Variants in ROBO2 observed in about 807,000 individuals in gnomAD.
The protein encoded by ROBO2 is roundabout guidance receptor 2.
ROBO2 carries 53 observed loss-of-function variants against 160.8 expected under a neutral mutation model. That is an observed-to-expected ratio of 0.33 (90% confidence interval 0.26 to 0.41). ROBO2 has a LOEUF of 0.41. Among genes scored for constraint, ROBO2 ranks in the 10% least tolerant of loss-of-function variants. The pLI is 1.00. For synonymous variants in ROBO2, 664 were observed against 611.7 expected, an observed-to-expected ratio of 1.09 and a Z score of -1.26; for missense variants, 1,577 against 1,722.4, an observed-to-expected ratio of 0.92 and a Z score of 1.49.
At chr3:77,039,099 C>A (rs189688605), upstream of ROBO2, among the ~76,000 whole-genome samples, 4 of 152,340 alleles carry the variant, frequency 2.6e-5, no homozygotes, top group East Asian at 7.7e-4. Context: ...GAGGGGCTGC[C>A]TCCCCTTCCT....
intron 2 of ROBO2, among the ~76,000 whole-genome samples, chr3:76,722,132 T>C (rs953617060): frequency 6.6e-5 from 10 of 152,118 alleles, no homozygotes; most frequent in African/African-American, 2.2e-4. Flanking sequence ...GGGAATGAAG[T>C]AGGAGGAAAC....
intron 2 of ROBO2, among the ~76,000 whole-genome samples, chr3:76,145,400 C>T (rs924339195): frequency 4.6e-5 from 7 of 152,012 alleles, no homozygotes; most frequent in Admixed American, 2.0e-4. Context: ...TGAACATCCA[C>T]TGACATATTT....
chr3:76,758,337 T>G (rs1211792522), intron 2 of ROBO2, among the ~76,000 whole-genome samples: 2 of 151,776 alleles, frequency 1.3e-5, no homozygotes, highest in Non-Finnish European at 2.9e-5. Flanking sequence ...TTGCCTGTAC[T>G]AAAACAGAGG....
intron 2 of ROBO2, among the ~76,000 whole-genome samples, chr3:77,181,253 G>T (rs2080754274): frequency 6.6e-6 from 1 of 152,038 alleles, no homozygotes; most frequent in Non-Finnish European, 1.5e-5. Context: ...CTCCTGTTAG[G>T]CTCAATTAGA....
intron 2 of ROBO2, among the ~76,000 whole-genome samples, chr3:76,703,959 A>G (rs569072802): frequency 1.3e-5 from 2 of 152,162 alleles, no homozygotes; most frequent in Admixed American, 6.5e-5. Context: ...AAGAAAATTA[A>G]TCAACAGTAG....
At chr3:76,414,135 A>G (rs1195437732) in intron 2 of ROBO2, among the ~76,000 whole-genome samples, 1 of 150,374 alleles carries the variant, frequency 6.7e-6, no homozygotes, top group Non-Finnish European at 1.5e-5. Flanking sequence ...AACAGCCCCC[A>G]TGATTCAATT....
intron 2 of ROBO2, among the ~76,000 whole-genome samples, chr3:77,135,830 A>G (rs1242556980): frequency 6.6e-6 from 1 of 152,208 alleles, no homozygotes; most frequent in Non-Finnish European, 1.5e-5. Context: ...TACATCATTC[A>G]ATAGTGCTTG....
intron 2 of ROBO2, among the ~76,000 whole-genome samples, chr3:76,594,972 G>A (rs2086648892): frequency 6.6e-6 from 1 of 152,018 alleles, no homozygotes; most frequent in Admixed American, 6.6e-5. Context: ...GTATTTGGAG[G>A]TGGAACCTTG....
At chr3:76,618,730 T>A (rs1039453206) in intron 2 of ROBO2, among the ~76,000 whole-genome samples, 1 of 151,774 alleles carries the variant, frequency 6.6e-6, no homozygotes, top group Admixed American at 6.6e-5. Flanking sequence ...ATGTACAATA[T>A]TACATTTAAT....
chr3:76,863,705 T>G (rs2071064605), intron 2 of ROBO2, among the ~76,000 whole-genome samples: 1 of 152,022 alleles, frequency 6.6e-6, no homozygotes, highest in Non-Finnish European at 1.5e-5. Context: ...TTAATAAATG[T>G]TTACTGAATT....
intron 2 of ROBO2, among the ~76,000 whole-genome samples, chr3:76,186,838 T>C (rs1701788721): frequency 6.6e-6 from 1 of 152,104 alleles, no homozygotes; most frequent in Non-Finnish European, 1.5e-5. Flanking sequence ...TCAAAGTCAT[T>C]AACAACCACC....
intron 2 of ROBO2, among the ~76,000 whole-genome samples, chr3:76,608,222 G>A (rs9836274): frequency 0.015 from 2,238 of 152,250 alleles, 33 homozygotes; most frequent in African/African-American, 0.037. Flanking sequence ...GCTGCCATTA[G>A]TATCATCCTT....
At chr3:76,248,684 C>T in intron 2 of ROBO2, among the ~76,000 whole-genome samples, 1 of 151,576 alleles carries the variant, frequency 6.6e-6, no homozygotes, top group Non-Finnish European at 1.5e-5. Context: ...GAAATTCTTC[C>T]AGACTTTCAT....
At chr3:76,186,962 C>T (rs1014918412) in intron 2 of ROBO2, among the ~76,000 whole-genome samples, 3 of 152,060 alleles carry the variant, frequency 2.0e-5, no homozygotes, top group African/African-American at 7.2e-5. Context: ...TCTCATCATT[C>T]ACTCTCTATT....
chr3:76,539,581 C>T (rs1158321530), intron 2 of ROBO2, among the ~76,000 whole-genome samples: 1 of 151,878 alleles, frequency 6.6e-6, no homozygotes, highest in Non-Finnish European at 1.5e-5. Flanking sequence ...CTAAAATTAC[C>T]TGGGTTTGTT....
At chr3:77,071,463 A>C (rs2067403969) in intron 1 of ROBO2, among the ~76,000 whole-genome samples, 1 of 152,216 alleles carries the variant, frequency 6.6e-6, no homozygotes, top group African/African-American at 2.4e-5. Flanking sequence ...ATGCCTAGAA[A>C]ATAAGAAAAA....
intron 2 of ROBO2, among the ~76,000 whole-genome samples, chr3:76,875,077 C>T (rs924410149): frequency 3.3e-5 from 5 of 152,152 alleles, no homozygotes; most frequent in African/African-American, 1.2e-4. Context: ...GATGGCTCCT[C>T]CCTCATAAAT....
intron 19 of ROBO2, among the ~76,000 whole-genome samples, chr3:77,599,637 T>TA (rs200166410): frequency 0.03 from 4,559 of 151,476 alleles, 135 homozygotes; most frequent in East Asian, 0.12. Context: ...CCCTAAAACT[T>TA]AGAGTATAAT....
At chr3:76,788,713 T>C (rs1398252773) in intron 2 of ROBO2, among the ~76,000 whole-genome samples, 1 of 151,592 alleles carries the variant, frequency 6.6e-6, no homozygotes, top group Non-Finnish European at 1.5e-5. Context: ...TATTATTCTT[T>C]ATCTGAACCT....
Sources: gnomAD v4.1 joint callset for allele counts (sites outside exome capture counted in the v4.1 genomes callset) on GRCh38, gnomAD v4.1.1 for gene constraint, MANE v1.5 for transcripts, NCBI Gene and HGNC (gene_info 2026-07-23, HGNC 2026-07-21) for gene names.